OSBP2: variants seen among roughly 807,000 people sequenced by gnomAD.
OSBP2 encodes the protein oxysterol-binding protein 2.
OSBP2 carries 66 observed loss-of-function variants against 96.0 expected under a neutral mutation model. That is an observed-to-expected ratio of 0.69 (90% CI 0.56 to 0.84). The LOEUF (loss-of-function observed/expected upper bound fraction) is 0.84. Ranked by LOEUF, OSBP2 falls within the 40% of genes least tolerant of loss-of-function variation. OSBP2 has a pLI of 0.00. For missense variants in OSBP2, 1,038 were observed against 1,222.7 expected (o/e 0.85, Z 2.25); for synonymous variants, 525 against 520.9 (o/e 1.01, Z -0.11).
At chr22:30,828,269 T>G (rs2038446429) in intron 2 of OSBP2, among the ~76,000 whole-genome samples, 1 of 152,232 alleles carries the variant, frequency 6.6e-6, no homozygotes, top group Admixed American at 6.5e-5. Flanking sequence ...GCAGAAAATC[T>G]GGCCAACAGT....
chr22:30,713,029 C>A (rs2089380733), intron 1 of OSBP2, among the ~76,000 whole-genome samples: 1 of 151,886 alleles, frequency 6.6e-6, no homozygotes, highest in Non-Finnish European at 1.5e-5. Context: ...TTCTCCACCT[C>A]AGCCTCCAGA....
intron 1 of OSBP2, among the ~76,000 whole-genome samples, chr22:30,739,298 A>G (rs1186192091): frequency 6.6e-6 from 1 of 152,232 alleles, no homozygotes; most frequent in Non-Finnish European, 1.5e-5. Context: ...ATGTAGAGCC[A>G]GAGAATGGGA....
Position 30,734,273 on chromosome 22 carries a change from A to G in OSBP2, c.645-6888A>G, listed in dbSNP as rs185810959. 7.8e-4 allele frequency among the ~76,000 whole-genome samples: 118 copies of G among 152,230 alleles called. 1 individual carries two copies. The highest frequency in any genetic ancestry group is 6.7e-3 in the East Asian group (35 of 5,190). On this transcript the variant is annotated intron_variant, in intron 1 of 13. Transcript: ENST00000332585. ...AGCCATCATGCCTGGCCACATTATCATGTATTTTGGATATGAGCCCTGATG... is the reference window on the plus strand; with the variant it reads ...AGCCATCATGCCTGGCCACATTATCGTGTATTTTGGATATGAGCCCTGATG...
intron 2 of OSBP2, among the ~76,000 whole-genome samples, chr22:30,860,287 T>G (rs2039184226): frequency 6.6e-6 from 1 of 151,814 alleles, no homozygotes; most frequent in Admixed American, 6.6e-5. Flanking sequence ...GGCAGATGGG[T>G]GGGTTGGGGT....
intron 2 of OSBP2, among the ~76,000 whole-genome samples, chr22:30,830,379 C>G (rs2038495680): frequency 1.3e-5 from 2 of 152,234 alleles, no homozygotes; most frequent in Admixed American, 1.3e-4. Context: ...GAATGGAACC[C>G]CACCTGGACA....
At chr22:30,884,888 C>T (rs947861582) in intron 3 of OSBP2, among the ~76,000 whole-genome samples, 8 of 152,206 alleles carry the variant, frequency 5.3e-5, no homozygotes, top group African/African-American at 1.9e-4. Flanking sequence ...CTGGCACAGT[C>T]GCTGGAGAGA....
intron 2 of OSBP2, among the ~76,000 whole-genome samples, chr22:30,752,092 G>A (rs372628403): frequency 6.6e-6 from 1 of 152,240 alleles, no homozygotes; most frequent in South Asian, 2.1e-4. Flanking sequence ...CCAGGACCAG[G>A]TGTTGGAGCA....
intron 2 of OSBP2, among the ~76,000 whole-genome samples, chr22:30,847,350 C>T (rs538663166): frequency 6.6e-5 from 10 of 151,736 alleles, no homozygotes; most frequent in East Asian, 3.9e-4. Context: ...GGCATGACCT[C>T]GGCTCACTGG....
intron 2 of OSBP2, among the ~76,000 whole-genome samples, chr22:30,848,187 C>T (rs538633618): frequency 7.9e-5 from 12 of 152,058 alleles, no homozygotes; most frequent in Admixed American, 3.3e-4. Context: ...GCATTTAGGG[C>T]GTTTCCAGAT....
intron 2 of OSBP2, among the ~76,000 whole-genome samples, chr22:30,781,419 T>C (rs1379180247): frequency 6.6e-6 from 1 of 152,098 alleles, no homozygotes; most frequent in East Asian, 1.9e-4. Context: ...TTCCTGACTT[T>C]AGTTAATGCC....
At chr22:30,829,701 A>C (rs2038483185) in intron 2 of OSBP2, among the ~76,000 whole-genome samples, 1 of 152,222 alleles carries the variant, frequency 6.6e-6, no homozygotes, top group African/African-American at 2.4e-5. Flanking sequence ...CATTTGCTGG[A>C]TTTGCATTGT....
chr22:30,826,337 G>A (rs2038405142), intron 2 of OSBP2, among the ~76,000 whole-genome samples: 1 of 152,210 alleles, frequency 6.6e-6, no homozygotes, highest in South Asian at 2.1e-4. Flanking sequence ...CACCTGCAGA[G>A]TGGCCTCCTG....
At chr22:30,893,359 C>T in intron 9 of OSBP2, 104 bp from the exon 10 acceptor site, 1 of 1,534,036 alleles carries the variant, frequency 6.5e-7, no homozygotes, top group Non-Finnish European at 9.0e-7. Flanking sequence ...GTAGGCCTGC[C>T]TCTTCAACCC....
At chr22:30,698,318 T>C (rs181299710) in intron 1 of OSBP2, among the ~76,000 whole-genome samples, 2 of 152,298 alleles carry the variant, frequency 1.3e-5, no homozygotes, top group East Asian at 3.9e-4. Flanking sequence ...TCTCTTTTCC[T>C]TGGGGGCTGG....
At chr22:30,776,800 G>A (rs1376955209) in intron 2 of OSBP2, among the ~76,000 whole-genome samples, 2 of 152,150 alleles carry the variant, frequency 1.3e-5, no homozygotes, top group Non-Finnish European at 2.9e-5. Context: ...AAATATTCAC[G>A]TTAATCCTTT....
chr22:30,791,506 T>C (rs1434367212), intron 2 of OSBP2, among the ~76,000 whole-genome samples: 1 of 151,382 alleles, frequency 6.6e-6, no homozygotes, highest in African/African-American at 2.4e-5. Context: ...TTTGTGTTTT[T>C]AGTAGAGACA....
At chr22:30,849,374 G>A (rs1192646411) in intron 2 of OSBP2, among the ~76,000 whole-genome samples, 1 of 152,222 alleles carries the variant, frequency 6.6e-6, no homozygotes, top group Non-Finnish European at 1.5e-5. Flanking sequence ...AGCAAGGTAT[G>A]AGAATTCAGT....
At chr22:30,730,547 C>T (rs573713803) in intron 1 of OSBP2, among the ~76,000 whole-genome samples, 18 of 151,884 alleles carry the variant, frequency 1.2e-4, no homozygotes, top group Non-Finnish European at 2.4e-4. Flanking sequence ...TAGTAGCCCA[C>T]AGGAAGTGCT....
At chr22:30,816,028 A>G (rs1215465640) in intron 2 of OSBP2, among the ~76,000 whole-genome samples, 1 of 152,194 alleles carries the variant, frequency 6.6e-6, no homozygotes, top group African/African-American at 2.4e-5. Context: ...CTGAAATATC[A>G]TGTTATGGAA....
Sources: allele counts gnomAD v4.1 joint callset (sites outside exome capture counted in the v4.1 genomes callset), GRCh38; gene constraint gnomAD v4.1.1; transcripts MANE v1.5; gene names NCBI Gene and HGNC (gene_info 2026-07-23, HGNC 2026-07-21).